Variants in TESK2 observed in about 807,000 individuals in gnomAD.
TESK2 encodes the protein dual specificity testis-specific protein kinase 2.
Under a neutral mutation model 57.1 loss-of-function variants are expected in TESK2, and 39 were observed. The observed-to-expected ratio is 0.68, with a 90% CI of 0.53 to 0.89. TESK2 has a LOEUF of 0.89. Ranked by LOEUF, TESK2 falls within the 40% of genes least tolerant of loss-of-function variation. TESK2 has a pLI of 0.00. For synonymous variants in TESK2, 249 were observed against 267.9 expected (o/e 0.93, Z 0.69); for missense variants, 646 against 732.1 (o/e 0.88, Z 1.36).
At chr1:45,354,527 G>A (rs1006755586) in intron 5 of TESK2, among the ~76,000 whole-genome samples, 3 of 151,972 alleles carry the variant, frequency 2.0e-5, no homozygotes, top group African/African-American at 7.3e-5. Flanking sequence ...TCAGGAGGCT[G>A]AGGCAGGATA....
At chr1:45,355,912 T>A (rs1010017007) in intron 4 of TESK2, among the ~76,000 whole-genome samples, 46 of 152,294 alleles carry the variant, frequency 3.0e-4, no homozygotes, top group African/African-American at 9.6e-4. Flanking sequence ...CAGAGTGCAT[T>A]TATAGATGAG....
At position 45,426,205 on chromosome 1, in the gene TESK2, C is replaced by T. The variant is rs554996675; in HGVS notation, c.223-4359G>A. Among the ~76,000 whole-genome samples, 63 of 152,092 alleles carry T rather than the reference C, an allele frequency of 4.1e-4. No individual in the cohort carries two copies. The South Asian group carries it at 0.013, about 31-fold the overall frequency. Reference sequence around the variant, plus strand: ...ATCACATTACCTGATTCAAATTATACCACAGAGCTATTGTAACCAAAATAA... The same window carrying T: ...ATCACATTACCTGATTCAAATTATATCACAGAGCTATTGTAACCAAAATAA... On this transcript the variant is annotated intron_variant, in intron 2 of 10. Coordinates refer to ENST00000372086, the MANE Select transcript of TESK2 (RefSeq NM_007170.3).
chr1:45,457,710 C>T lies in TESK2; in HGVS notation c.76G>A (p.Gly26Ser). The change falls in exon 2 of 11, where the codon GGT (glycine) becomes AGT (serine). Residue 26 changes from glycine to serine, a missense_variant. By Grantham distance (56) the Gly-to-Ser change is moderately conservative (BLOSUM62 0). Transcript: ENST00000372086. Reference protein sequence around the residue: ...VERLEEFEGGGGGEGNVSQVG... With the variant: ...VERLEEFEGGSGGEGNVSQVG... Reference sequence around the variant, plus strand: ...TGGCTCACATTTCCTTCTCCTCCACCACCTCCTTCAAACTCTTCAAGACGC... The same window carrying T: ...TGGCTCACATTTCCTTCTCCTCCACTACCTCCTTCAAACTCTTCAAGACGC... 2 of 1,614,126 alleles carry T rather than the reference C, an allele frequency of 1.2e-6. No homozygotes were observed. Among genetic ancestry groups the T allele is most frequent in the South Asian group, 1.1e-5 (1 of 91,084 alleles).
chr1:45,412,902 C>G (rs1264805455), intron 3 of TESK2, among the ~76,000 whole-genome samples: 3 of 152,116 alleles, frequency 2.0e-5, no homozygotes, highest in African/African-American at 7.2e-5. Context: ...CGCCTGCAGT[C>G]CCAGCTACTC....
At chr1:45,378,623 C>T (rs959098970) in intron 4 of TESK2, among the ~76,000 whole-genome samples, 1 of 152,170 alleles carries the variant, frequency 6.6e-6, no homozygotes, top group Non-Finnish European at 1.5e-5. Context: ...GATCAAAGAT[C>T]CAGGAAAGCC....
chr1:45,467,234 T>G (rs754516266), intron 1 of TESK2, among the ~76,000 whole-genome samples: 2 of 152,232 alleles, frequency 1.3e-5, no homozygotes, highest in Non-Finnish European at 2.9e-5. Flanking sequence ...ATGATATATC[T>G]GTTAATTTTA....
chr1:45,482,072 CCAGTAAAAAGTGTCA>C (rs1235901654), intron 1 of TESK2, among the ~76,000 whole-genome samples: 1 of 152,168 alleles, frequency 6.6e-6, no homozygotes, highest in Non-Finnish European at 1.5e-5. Flanking sequence ...GTTCCTTCCT[CCAGTAAAAAGTGTCA>C]CAGTAAAAAG....
At chr1:45,452,803 G>A (rs969871964) in intron 2 of TESK2, among the ~76,000 whole-genome samples, 1 of 151,934 alleles carries the variant, frequency 6.6e-6, no homozygotes, top group Non-Finnish European at 1.5e-5. Context: ...TATAATGCCA[G>A]CACTTTGGGA....
At chr1:45,441,457 G>A (rs553593303) in intron 2 of TESK2, among the ~76,000 whole-genome samples, 53 of 151,964 alleles carry the variant, frequency 3.5e-4, no homozygotes, top group African/African-American at 1.1e-3. Context: ...GATTACAGGC[G>A]TGAGCCACCG....
intron 1 of TESK2, among the ~76,000 whole-genome samples, chr1:45,484,288 T>C (rs1259783819): frequency 2.6e-5 from 4 of 151,804 alleles, no homozygotes; most frequent in African/African-American, 9.7e-5. Context: ...TTTGTATTTT[T>C]AGTAGAGACG....
chr1:45,345,277 C>T lies in TESK2; in HGVS notation c.1279G>A (p.Val427Ile). 1 of 1,614,154 alleles carries T rather than the reference C, an allele frequency of 6.2e-7. No homozygotes were observed. ...GGCCCTGGTGCATCCAGGTCAAATA[C>T]CAGAGAGATGACAGACTTGCTGGGC... ...DLPSKSVISLVFDLDAPGPGT... is the reference protein window; with the variant it reads ...DLPSKSVISLIFDLDAPGPGT... The change falls in exon 11 of 11, where the codon GTA becomes ATA. Residue 427 changes from valine to isoleucine, a missense_variant. Coordinates refer to ENST00000372086, the MANE Select transcript of TESK2 (RefSeq NM_007170.3).
rs541378630 is a variant in TESK2 at position 45,462,271 on chromosome 1, C to A, written c.-86-4400G>T. ...TCCATGCTGTTGCAAAAAAAGGGAT[C>A]TCTTTTTTTTTTTATTTTTTAGATG... is the stretch of plus-strand genomic sequence containing the variant. On this transcript the variant is annotated intron_variant, in intron 1 of 10. Transcript: ENST00000372086. Among the ~76,000 whole-genome samples the A allele has an allele frequency of 2.0e-5, 3 of 151,818 alleles. No individual in the cohort carries two copies. In the East Asian group the frequency reaches 5.8e-4, roughly 29 times the overall value.
chr1:45,467,618 C>T (rs1272645931), intron 1 of TESK2, among the ~76,000 whole-genome samples: 3 of 147,030 alleles, frequency 2.0e-5, no homozygotes, highest in Non-Finnish European at 4.5e-5. Context: ...GCATGAGCCA[C>T]TGTGCTCGGC....
chr1:45,422,759 T>TTTGTTGTTGTTGTTGTTGTTG (rs140964940), intron 2 of TESK2, among the ~76,000 whole-genome samples: 17,924 of 146,868 alleles, frequency 0.12, 1,381 homozygotes, highest in Non-Finnish European at 0.17. Flanking sequence ...TGTCTGGTTT[T>TTTGTTGTTGTTGTTGTTGTTG]TTGTTGTTGT....
intron 3 of TESK2, chr1:45,415,084 C>T: frequency 7.1e-7 from 1 of 1,403,852 alleles, no homozygotes; most frequent in South Asian, 1.1e-5. Context: ...GGCCACGTCT[C>T]CTTCGAGCTG....
chr1:45,473,495 T>C (rs1652855812), intron 1 of TESK2, among the ~76,000 whole-genome samples: 2 of 152,138 alleles, frequency 1.3e-5, no homozygotes, highest in Non-Finnish European at 2.9e-5. Context: ...CAAAGTAGTA[T>C]ATGGTATGAA....
Position 45,346,673 on chromosome 1 carries a change from A to C in TESK2, c.879+20T>G. 1.2e-6 allele frequency: 2 copies of C among 1,605,286 alleles called. No individual in the cohort carries two copies. Among genetic ancestry groups the C allele is most frequent in the Non-Finnish European group, 1.7e-6 (2 of 1,173,784 alleles). ...GTTCAGCCAGCCCCTGATGAAAGGC[A>C]GAGGGAGAAAGACACTCACGTTACA... On this transcript the variant is annotated intron_variant, in intron 9 of 10. Coordinates refer to ENST00000372086, the MANE Select transcript of TESK2 (RefSeq NM_007170.3).
Position 45,475,466 on chromosome 1 carries a change from G to C in TESK2, c.-87+15386C>G, listed in dbSNP as rs369231035. 8.6e-5 allele frequency among the ~76,000 whole-genome samples: 13 copies of C among 151,862 alleles called. No homozygotes were observed. In the East Asian group the frequency reaches 9.6e-4, roughly 11 times the overall value. On this transcript the variant is annotated intron_variant, in intron 1 of 10. Coordinates refer to ENST00000372086, the MANE Select transcript of TESK2 (RefSeq NM_007170.3). ...AGGTGATCCACCTGCCTCAGCCTCC[G>C]AAAGTGCTGGGATTACAGGCGTGAG...
chr1:45,463,437 C>T (rs576893061), intron 1 of TESK2, among the ~76,000 whole-genome samples: 19 of 152,136 alleles, frequency 1.2e-4, no homozygotes, highest in Non-Finnish European at 2.4e-4. Context: ...ATATGGATAT[C>T]CTGTTTTCCC....
Sources: gnomAD v4.1 joint callset for allele counts (sites outside exome capture counted in the v4.1 genomes callset) on GRCh38, gnomAD v4.1.1 for gene constraint, MANE v1.5 for transcripts, NCBI Gene and HGNC (gene_info 2026-07-23, HGNC 2026-07-21) for gene names.